ELP4: variants seen among roughly 807,000 people sequenced by gnomAD.
ELP4 encodes elongator acetyltransferase complex subunit 4.
In ELP4, 51 loss-of-function variants were observed where a neutral mutation model predicts 48.9. The ratio of observed to expected loss-of-function variants is 1.04; its 90% CI spans 0.83 to 1.32. The LOEUF is 1.32. Ranked by LOEUF, ELP4 falls within the 40% of genes most tolerant of loss-of-function variation. The probability of loss-of-function intolerance (pLI) is 0.00; values close to 1 mark genes in which losing one functional copy is unlikely to be tolerated. For synonymous variants in ELP4, 210 were observed against 189.2 expected (o/e 1.11, Z -0.90); for missense variants, 519 against 514.6 (o/e 1.01, Z -0.08).
chr11:31,589,002 A>T (rs1396233157), intron 3 of ELP4, among the ~76,000 whole-genome samples: 1 of 152,188 alleles, frequency 6.6e-6, no homozygotes, highest in Non-Finnish European at 1.5e-5. Context: ...AATAATAATT[A>T]AAAAACAAAT....
At chr11:31,725,602 C>G (rs532739205) in intron 9 of ELP4, among the ~76,000 whole-genome samples, 3 of 152,278 alleles carry the variant, frequency 2.0e-5, no homozygotes, top group South Asian at 4.1e-4. Flanking sequence ...TTGAGTTTGT[C>G]TCTTGGAGCC....
intron 5 of ELP4, among the ~76,000 whole-genome samples, chr11:31,619,664 T>G (rs980829811): frequency 4.4e-4 from 32 of 72,950 alleles, no homozygotes; most frequent in African/African-American, 6.6e-4. Flanking sequence ...TTTTTTATTG[T>G]TTTTTTTTTT....
intron 9 of ELP4, among the ~76,000 whole-genome samples, chr11:31,778,653 A>G (rs1948299504): frequency 6.6e-6 from 1 of 152,208 alleles, no homozygotes; most frequent in African/African-American, 2.4e-5. Context: ...TTCCCCCATG[A>G]TAGATGAGGA....
intron 9 of ELP4, among the ~76,000 whole-genome samples, chr11:31,696,991 A>G (rs923530726): frequency 2.0e-5 from 3 of 152,112 alleles, no homozygotes; most frequent in Non-Finnish European, 4.4e-5. Flanking sequence ...GGAAAACAAA[A>G]AAAGGCAGGG....
intron 2 of ELP4, among the ~76,000 whole-genome samples, chr11:31,521,096 G>A (rs745883682): frequency 6.6e-6 from 1 of 152,068 alleles, no homozygotes; most frequent in Non-Finnish European, 1.5e-5. Context: ...CCCCAAGAGT[G>A]AGTAAAATAC....
chr11:31,764,752 C>A (rs966378117), intron 9 of ELP4, among the ~76,000 whole-genome samples: 9 of 152,152 alleles, frequency 5.9e-5, no homozygotes, highest in African/African-American at 1.7e-4. Context: ...CCTCCCAGAG[C>A]TGTAATAGTT....
intron 7 of ELP4, among the ~76,000 whole-genome samples, chr11:31,639,089 T>C (rs1472076926): frequency 6.6e-6 from 1 of 151,840 alleles, no homozygotes; most frequent in Non-Finnish European, 1.5e-5. Flanking sequence ...AATTACAGAT[T>C]AATCTCTTGA....
At chr11:31,656,963 A>G (rs1309447287) in intron 9 of ELP4, among the ~76,000 whole-genome samples, 2 of 152,054 alleles carry the variant, frequency 1.3e-5, no homozygotes, top group African/African-American at 4.8e-5. Flanking sequence ...TGTGTCATTT[A>G]TAGTGTCTAA....
At chr11:31,782,315 T>C (rs527511714) in intron 9 of ELP4, among the ~76,000 whole-genome samples, 1 of 152,146 alleles carries the variant, frequency 6.6e-6, no homozygotes, top group Non-Finnish European at 1.5e-5. Flanking sequence ...TTTTCATCTG[T>C]TTTTCCCCCC....
intron 9 of ELP4, among the ~76,000 whole-genome samples, chr11:31,668,721 T>TG (rs1565103640): frequency 5.4e-5 from 5 of 92,596 alleles, no homozygotes; most frequent in African/African-American, 2.2e-4. Context: ...TGTGTGTGTG[T>TG]AAGAACCCTG....
Position 31,650,228 on chromosome 11 carries a change from G to T in ELP4, c.1143+7G>T, listed in dbSNP as rs750516054. The T allele has an allele frequency of 2.2e-6, 2 of 908,190 alleles. No homozygotes were observed. The highest frequency in any genetic ancestry group is 2.3e-4 in the Middle Eastern group (1 of 4,414). 56.3% of individuals were successfully genotyped at this position (908,190 alleles called of 1,614,324 possible). Reference sequence around the variant, plus strand: ...GAAGCTATTCACCATTGAGGTAAGAGAATTTTTATGTTTTAGTTTACAATC... The same window carrying T: ...GAAGCTATTCACCATTGAGGTAAGATAATTTTTATGTTTTAGTTTACAATC... On this transcript the variant is annotated splice_region_variant and intron_variant, in intron 9 of 9. Transcript: ENST00000640961.
At chr11:31,560,800 A>T (rs1592117383) in intron 3 of ELP4, among the ~76,000 whole-genome samples, 1 of 148,366 alleles carries the variant, frequency 6.7e-6, no homozygotes, top group Middle Eastern at 3.5e-3. Flanking sequence ...AAGGAACCAC[A>T]TACACAACAG....
intron 3 of ELP4, chr11:31,573,662 A>G (rs944629665): frequency 6.6e-6 from 1 of 152,086 alleles, no homozygotes; most frequent in Non-Finnish European, 1.5e-5. Flanking sequence ...TTATTATCTC[A>G]TTTAAACTTA....
At chr11:31,597,442 C>T (rs1260141558) in intron 4 of ELP4, among the ~76,000 whole-genome samples, 1 of 152,128 alleles carries the variant, frequency 6.6e-6, no homozygotes, top group Non-Finnish European at 1.5e-5. Context: ...TGATAGAAAT[C>T]AAAACAGACT....
At chr11:31,768,442 G>A (rs867885060) in intron 9 of ELP4, among the ~76,000 whole-genome samples, 36 of 152,072 alleles carry the variant, frequency 2.4e-4, no homozygotes, top group African/African-American at 8.7e-4. Flanking sequence ...TAGAGAGAAA[G>A]CCTCATTTCA....
intron 3 of ELP4, among the ~76,000 whole-genome samples, chr11:31,540,126 G>C (rs765536498): frequency 1.3e-5 from 2 of 152,078 alleles, no homozygotes; most frequent in Admixed American, 6.5e-5. Flanking sequence ...TTGAAGAAAG[G>C]GGAAAAACAT....
intron 1 of ELP4, chr11:31,511,012 G>A (rs1254575815): frequency 6.6e-6 from 1 of 151,966 alleles, no homozygotes; most frequent in East Asian, 1.9e-4. Flanking sequence ...CATTTCTTTC[G>A]GTTATTTTCC....
chr11:31,736,630 G>T (rs1486676529), intron 9 of ELP4, among the ~76,000 whole-genome samples: 4 of 152,054 alleles, frequency 2.6e-5, no homozygotes, highest in African/African-American at 9.7e-5. Flanking sequence ...AAATTTACAA[G>T]AAAAAAATAA....
At chr11:31,549,357 A>G (rs1237424707) in intron 3 of ELP4, among the ~76,000 whole-genome samples, 1 of 152,254 alleles carries the variant, frequency 6.6e-6, no homozygotes. Flanking sequence ...AAAAGAAGAC[A>G]TTTATGCACC....
Sources: gnomAD v4.1 joint callset for allele counts (sites outside exome capture counted in the v4.1 genomes callset) on GRCh38, gnomAD v4.1.1 for gene constraint, MANE v1.5 for transcripts, NCBI Gene and HGNC (gene_info 2026-07-23, HGNC 2026-07-21) for gene names.